The following TTC29 variants were observed in gnomAD, a reference collection of about 807,000 sequenced individuals.
TTC29 encodes the protein tetratricopeptide repeat domain 29.
Under a neutral mutation model 58.1 loss-of-function variants are expected in TTC29, and 49 were observed. The ratio of observed to expected loss-of-function variants is 0.84; its 90% CI spans 0.67 to 1.07. TTC29 has a LOEUF of 1.07. Among genes scored for constraint, TTC29 ranks in the 50% least tolerant of loss-of-function variants. The probability of loss-of-function intolerance (pLI) is 0.00; values close to 1 mark genes in which losing one functional copy is unlikely to be tolerated. For missense variants in TTC29, 582 were observed against 555.6 expected (o/e 1.05, Z -0.48); for synonymous variants, 209 against 196.8 (o/e 1.06, Z -0.52).
chr4:146,738,922 C>T (rs753400436), intron 11 of TTC29, among the ~76,000 whole-genome samples: 2 of 152,108 alleles, frequency 1.3e-5, no homozygotes, highest in Non-Finnish European at 2.9e-5. Context: ...TGCTCTGCAG[C>T]CCTTACCCCG....
intron 4 of TTC29, among the ~76,000 whole-genome samples, chr4:146,922,270 T>C (rs1188613339): frequency 6.7e-6 from 1 of 149,058 alleles, no homozygotes. Flanking sequence ...AAAAAAACCC[T>C]AACAAAACAA....
In TTC29 at chr4:146,891,962, T is replaced by C. The variant is rs557487992; in HGVS notation, c.586+11582A>G. ...CAGGCACCCCTGATGTCTAAGTGGA[T>C]ACTGTAAGGACTCTGTTAAGTATCT... On this transcript the variant is annotated intron_variant, in intron 6 of 12. Coordinates refer to ENST00000325106, the MANE Select transcript of TTC29 (RefSeq NM_031956.4). Among the ~76,000 whole-genome samples the C allele has an allele frequency of 7.9e-5, 12 of 152,276 alleles. No individual in the cohort carries two copies. The South Asian group carries it at 2.1e-3, about 26-fold the overall frequency.
intron 4 of TTC29, among the ~76,000 whole-genome samples, chr4:146,924,663 C>T (rs1579994420): frequency 6.6e-6 from 1 of 151,428 alleles, no homozygotes; most frequent in Middle Eastern, 3.4e-3. Context: ...AATGGTTGAT[C>T]AATTTTTTTT....
intron 10 of TTC29, among the ~76,000 whole-genome samples, chr4:146,816,159 A>C (rs1450976281): frequency 7.3e-6 from 1 of 136,828 alleles, no homozygotes; most frequent in Non-Finnish European, 1.5e-5. Context: ...TATTCTAACA[A>C]AAAATTTGGA....
chr4:146,924,521 C>T (rs1001622779), intron 4 of TTC29, among the ~76,000 whole-genome samples: 7 of 151,922 alleles, frequency 4.6e-5, no homozygotes, highest in South Asian at 2.1e-4. Flanking sequence ...TCATCTAAGT[C>T]GTTGAGTTTA....
intron 11 of TTC29, among the ~76,000 whole-genome samples, chr4:146,718,766 TAA>T (rs1743131118): frequency 6.6e-6 from 1 of 152,152 alleles, no homozygotes; most frequent in Non-Finnish European, 1.5e-5. Context: ...GGGTCAAATC[TAA>T]AAAGTTATTG....
chr4:146,750,259 G>A (rs527852283), intron 11 of TTC29, among the ~76,000 whole-genome samples: 4 of 152,186 alleles, frequency 2.6e-5, no homozygotes, highest in Middle Eastern at 3.4e-3. Flanking sequence ...CGCCCGCCTC[G>A]GCCTCCCAAA....
chr4:146,816,442 A>G (rs946019187), intron 10 of TTC29, among the ~76,000 whole-genome samples: 9 of 152,150 alleles, frequency 5.9e-5, no homozygotes, highest in African/African-American at 2.2e-4. Flanking sequence ...AGGGTAGCAG[A>G]GGAAGCACAC....
At chr4:146,797,276 T>C (rs1017371524) in intron 11 of TTC29, among the ~76,000 whole-genome samples, 1 of 152,252 alleles carries the variant, frequency 6.6e-6, no homozygotes, top group Non-Finnish European at 1.5e-5. Flanking sequence ...TTGTTTGCAT[T>C]AACCAATTAT....
At chr4:146,736,442 CT>C (rs1293166710) in intron 11 of TTC29, among the ~76,000 whole-genome samples, 1 of 152,084 alleles carries the variant, frequency 6.6e-6, no homozygotes, top group Non-Finnish European at 1.5e-5. Flanking sequence ...TCTTTACTTA[CT>C]AACATAAAAC....
At chr4:146,776,368 T>G (rs923459243) in intron 11 of TTC29, among the ~76,000 whole-genome samples, 2 of 152,122 alleles carry the variant, frequency 1.3e-5, no homozygotes, top group Non-Finnish European at 2.9e-5. Context: ...GTTGCCAGAG[T>G]TCTTGCTCTG....
At chr4:146,821,736 A>C (rs1751845664) in intron 9 of TTC29, among the ~76,000 whole-genome samples, 1 of 152,232 alleles carries the variant, frequency 6.6e-6, no homozygotes, top group South Asian at 2.1e-4. Context: ...TTTGGAGTCT[A>C]TGATTGTAAA....
intron 11 of TTC29, among the ~76,000 whole-genome samples, chr4:146,753,288 A>T (rs1746163687): frequency 6.6e-6 from 1 of 152,216 alleles, no homozygotes; most frequent in South Asian, 2.1e-4. Flanking sequence ...GCAGCCAAAA[A>T]ACACATGAAA....
intron 6 of TTC29, among the ~76,000 whole-genome samples, chr4:146,900,892 AAAT>A: frequency 6.6e-6 from 1 of 152,334 alleles, no homozygotes; most frequent in East Asian, 1.9e-4. Context: ...AAAAAAGTAG[AAAT>A]AAAATTTACA....
rs376732981 is a variant in TTC29, at chr4:146,903,520, G to C, written c.586+24C>G. ...CAGGATCCACCAAAACATACCCAAG[G>C]CATCCTGGCAAATGCCCACTCACCA... On this transcript the variant is annotated intron_variant, in intron 6 of 12. Transcript: ENST00000325106. 60 of 1,579,244 alleles carry C rather than the reference G, an allele frequency of 3.8e-5. No individual in the cohort carries two copies. In the African/African-American group the frequency reaches 7.2e-4, roughly 19 times the overall value.
intron 11 of TTC29, among the ~76,000 whole-genome samples, chr4:146,721,265 A>G (rs1322277567): frequency 6.6e-6 from 1 of 152,156 alleles, no homozygotes; most frequent in Non-Finnish European, 1.5e-5. Context: ...TGGGTCAAAT[A>G]TGAAAAGTCA....
At chr4:146,925,271 C>T (rs904684306) in intron 4 of TTC29, among the ~76,000 whole-genome samples, 3 of 151,928 alleles carry the variant, frequency 2.0e-5, no homozygotes, top group Non-Finnish European at 4.4e-5. Flanking sequence ...GGTTTTTCTA[C>T]CAGCTATTGA....
chr4:146,890,539 G>A (rs1056918624), intron 6 of TTC29, among the ~76,000 whole-genome samples: 9 of 152,168 alleles, frequency 5.9e-5, no homozygotes, highest in African/African-American at 1.7e-4. Flanking sequence ...CTGGGAGCCC[G>A]TGCCCATGGT....
intron 6 of TTC29, among the ~76,000 whole-genome samples, chr4:146,901,806 C>T (rs1296189393): frequency 6.6e-6 from 1 of 152,192 alleles, no homozygotes; most frequent in African/African-American, 2.4e-5. Flanking sequence ...TAGCACTTAA[C>T]ACTGACTTAA....
Sources: gnomAD v4.1 joint callset for allele counts (sites outside exome capture counted in the v4.1 genomes callset) on GRCh38, gnomAD v4.1.1 for gene constraint, MANE v1.5 for transcripts, NCBI Gene and HGNC (gene_info 2026-07-23, HGNC 2026-07-21) for gene names.